The following SPOCK3 variants were observed in gnomAD, a reference collection of about 807,000 sequenced individuals.
SPOCK3 encodes the protein testican-3.
Under a neutral mutation model 56.6 loss-of-function variants are expected in SPOCK3, and 30 were observed. The ratio of observed to expected loss-of-function variants is 0.53; its 90% CI spans 0.40 to 0.72. The LOEUF (loss-of-function observed/expected upper bound fraction) is 0.72. SPOCK3 is among the 30% of genes least tolerant of loss of function. SPOCK3 has a pLI of 0.00. For synonymous variants in SPOCK3, 196 were observed against 183.3 expected, an observed-to-expected ratio of 1.07 and a Z score of -0.56; for missense variants, 527 against 530.0, an observed-to-expected ratio of 0.99 and a Z score of 0.06.
intron 6 of SPOCK3, among the ~76,000 whole-genome samples, chr4:166,834,338 C>T (rs900796975): frequency 6.6e-6 from 1 of 152,176 alleles, no homozygotes; most frequent in Non-Finnish European, 1.5e-5. Flanking sequence ...TTCTCACACG[C>T]TTTGCCAAAT....
intron 2 of SPOCK3, among the ~76,000 whole-genome samples, chr4:167,216,599 A>G (rs554184068): frequency 6.6e-6 from 1 of 152,210 alleles, no homozygotes; most frequent in African/African-American, 2.4e-5. Context: ...AGAGTCCAAG[A>G]TATCATCAAT....
intron 7 of SPOCK3, among the ~76,000 whole-genome samples, chr4:166,789,280 T>G (rs1186090010): frequency 6.6e-6 from 1 of 151,520 alleles, no homozygotes. Flanking sequence ...AAATACAAAA[T>G]AACCCGGGCG....
chr4:167,170,963 C>T (rs949566251), intron 2 of SPOCK3, among the ~76,000 whole-genome samples: 1 of 151,816 alleles, frequency 6.6e-6, no homozygotes, highest in African/African-American at 2.4e-5. Context: ...AAAAGAAAAG[C>T]AAATGGGGTG....
chr4:166,978,007 C>T (rs185604268), intron 4 of SPOCK3, among the ~76,000 whole-genome samples: 5 of 152,260 alleles, frequency 3.3e-5, no homozygotes, highest in Admixed American at 3.3e-4. Context: ...TCTCCATTGA[C>T]TCTTTGAAAA....
intron 6 of SPOCK3, among the ~76,000 whole-genome samples, chr4:166,817,412 A>T (rs1744486032): frequency 6.6e-6 from 1 of 152,016 alleles, no homozygotes; most frequent in South Asian, 2.1e-4. Context: ...GGCATTTCAG[A>T]ATGAGGGTAG....
chr4:167,108,033 G>A (rs1760319893), intron 2 of SPOCK3, among the ~76,000 whole-genome samples: 1 of 151,768 alleles, frequency 6.6e-6, no homozygotes, highest in African/African-American at 2.4e-5. Flanking sequence ...CATACAAATG[G>A]CAAACAGGCA....
intron 4 of SPOCK3, among the ~76,000 whole-genome samples, chr4:166,946,986 G>C (rs1741841884): frequency 6.6e-6 from 1 of 152,078 alleles, no homozygotes; most frequent in Non-Finnish European, 1.5e-5. Context: ...TCATCTCTAA[G>C]TTAACTATAC....
intron 6 of SPOCK3, among the ~76,000 whole-genome samples, chr4:166,809,029 C>A (rs560635780): frequency 6.6e-6 from 1 of 151,926 alleles, no homozygotes; most frequent in African/African-American, 2.4e-5. Context: ...AGTATAAAAA[C>A]CAGAGTTACA....
chr4:167,124,573 T>G (rs1762118729), intron 2 of SPOCK3, among the ~76,000 whole-genome samples: 1 of 152,178 alleles, frequency 6.6e-6, no homozygotes, highest in Non-Finnish European at 1.5e-5. Flanking sequence ...AAATATATCC[T>G]GTCAACAGCG....
At chr4:167,106,993 T>A (rs1165037521) in intron 2 of SPOCK3, among the ~76,000 whole-genome samples, 2 of 151,742 alleles carry the variant, frequency 1.3e-5, no homozygotes, top group Non-Finnish European at 3.0e-5. Context: ...TAACAACTAA[T>A]AAAATCAAAG....
intron 3 of SPOCK3, among the ~76,000 whole-genome samples, chr4:167,024,189 A>G (rs1751470477): frequency 6.6e-6 from 1 of 151,978 alleles, no homozygotes; most frequent in South Asian, 2.1e-4. Context: ...ACCTGTTCAC[A>G]CTTTTGCGCA....
intron 3 of SPOCK3, among the ~76,000 whole-genome samples, chr4:167,013,207 T>C (rs1238107855): frequency 1.3e-5 from 2 of 152,026 alleles, no homozygotes; most frequent in African/African-American, 4.8e-5. Context: ...ATTTCAATGA[T>C]ATCTTAATAC....
At chr4:166,962,027 TCC>T (rs1429744806) in intron 4 of SPOCK3, among the ~76,000 whole-genome samples, 6 of 152,122 alleles carry the variant, frequency 3.9e-5, no homozygotes, top group Admixed American at 6.6e-5. Context: ...TAGCTTGGAT[TCC>T]CTGCTGTCCC....
intron 3 of SPOCK3, among the ~76,000 whole-genome samples, chr4:167,020,941 A>G (rs1751110266): frequency 6.6e-6 from 1 of 152,068 alleles, no homozygotes; most frequent in Non-Finnish European, 1.5e-5. Context: ...GGCCAGAACT[A>G]AAAGGTGGAA....
chr4:166,902,437 C>A lies in SPOCK3; in HGVS notation c.474+10183G>T, dbSNP rs1048077590. Reference sequence around the variant, plus strand: ...CTCAACTAAAATTCTCAACTAAATTCTCTTCTAATATTTTCTCTGTGTTAT... The same window carrying A: ...CTCAACTAAAATTCTCAACTAAATTATCTTCTAATATTTTCTCTGTGTTAT... On this transcript the variant is annotated intron_variant, in intron 5 of 10. Coordinates refer to ENST00000357545, the MANE Select transcript of SPOCK3 (RefSeq NM_001040159.2). Among the ~76,000 whole-genome samples the A allele has an allele frequency of 2.0e-5, 3 of 151,974 alleles. No individual in the cohort carries two copies. The East Asian group carries it at 5.8e-4, about 29-fold the overall frequency.
chr4:167,090,962 C>A (rs1383812439), intron 2 of SPOCK3, among the ~76,000 whole-genome samples: 1 of 152,074 alleles, frequency 6.6e-6, no homozygotes, highest in African/African-American at 2.4e-5. Flanking sequence ...GAAATCAGGA[C>A]ATACTGTCTT....
At chr4:166,773,554 T>A (rs905151898) in intron 7 of SPOCK3, among the ~76,000 whole-genome samples, 2 of 152,172 alleles carry the variant, frequency 1.3e-5, no homozygotes, top group African/African-American at 4.8e-5. Flanking sequence ...TCTTAAGACA[T>A]TTTACAACAT....
At chr4:167,053,633 C>T (rs951629872) in intron 3 of SPOCK3, among the ~76,000 whole-genome samples, 7 of 151,702 alleles carry the variant, frequency 4.6e-5, no homozygotes, top group South Asian at 2.1e-4. Flanking sequence ...TGCAATGAGC[C>T]GAGATCAGGC....
intron 3 of SPOCK3, among the ~76,000 whole-genome samples, chr4:167,056,535 T>G (rs536372961): frequency 7.9e-5 from 12 of 152,182 alleles, no homozygotes; most frequent in Non-Finnish European, 1.5e-4. Context: ...TTGAAAACTT[T>G]GAAAAAAATT....
Sources: allele counts gnomAD v4.1 joint callset (sites outside exome capture counted in the v4.1 genomes callset), GRCh38; gene constraint gnomAD v4.1.1; transcripts MANE v1.5; gene names NCBI Gene and HGNC (gene_info 2026-07-23, HGNC 2026-07-21).